The following KIAA1217 variants were observed in gnomAD, a reference collection of about 807,000 sequenced individuals.
The protein encoded by KIAA1217 is KIAA1217, also known as sickle tail protein homolog.
KIAA1217 carries 88 observed loss-of-function variants against 163.9 expected under a neutral mutation model. The observed-to-expected ratio is 0.54, with a 90% CI of 0.45 to 0.64. The LOEUF is 0.64. Ranked by LOEUF, KIAA1217 falls within the 30% of genes least tolerant of loss-of-function variation. The pLI, the probability that KIAA1217 is intolerant of heterozygous loss-of-function variation, is 0.00. For missense variants in KIAA1217, 2,372 were observed against 2,475.0 expected, an observed-to-expected ratio of 0.96 and a Z score of 0.88; for synonymous variants, 903 against 923.1, an observed-to-expected ratio of 0.98 and a Z score of 0.39.
At chr10:23,737,167 G>C (rs1344422894) in intron 1 of KIAA1217, among the ~76,000 whole-genome samples, 1 of 152,122 alleles carries the variant, frequency 6.6e-6, no homozygotes, top group African/African-American at 2.4e-5. Context: ...TGTATGGAAG[G>C]CAAATAGTGT....
intron 1 of KIAA1217, among the ~76,000 whole-genome samples, chr10:23,858,362 T>C (rs1839797903): frequency 6.6e-6 from 1 of 151,674 alleles, no homozygotes. Flanking sequence ...TGATGATACC[T>C]AAAGAACTAT....
chr10:24,506,078 G>A (rs763809237), intron 9 of KIAA1217, among the ~76,000 whole-genome samples: 1 of 152,174 alleles, frequency 6.6e-6, no homozygotes, highest in Non-Finnish European at 1.5e-5. Context: ...CCAAGGTCTA[G>A]TCAGATCTTC....
chr10:23,719,635 A>G (rs1450527713), intron 1 of KIAA1217, among the ~76,000 whole-genome samples: 1 of 148,706 alleles, frequency 6.7e-6, no homozygotes, highest in Non-Finnish European at 1.5e-5. Context: ...TGGACATAAA[A>G]GGCTATATCT....
intron 1 of KIAA1217, among the ~76,000 whole-genome samples, chr10:23,815,854 G>A (rs749798200): frequency 7.9e-5 from 12 of 152,094 alleles, no homozygotes; most frequent in Admixed American, 2.0e-4. Flanking sequence ...TAGTGGAGTC[G>A]ATTCTTTTGG....
chr10:23,875,845 A>G (rs1840666378), intron 1 of KIAA1217, among the ~76,000 whole-genome samples: 1 of 151,682 alleles, frequency 6.6e-6, no homozygotes, highest in Admixed American at 6.6e-5. Flanking sequence ...AAACTATCAC[A>G]AGGACAGCAA....
chr10:24,523,755 C>T (rs2071663818), intron 12 of KIAA1217, among the ~76,000 whole-genome samples: 2 of 152,284 alleles, frequency 1.3e-5, no homozygotes, highest in African/African-American at 2.4e-5. Flanking sequence ...AGATCTGACA[C>T]CAGACACTCT....
At chr10:24,296,853 C>T (rs1359453124) in intron 2 of KIAA1217, among the ~76,000 whole-genome samples, 1 of 152,158 alleles carries the variant, frequency 6.6e-6, no homozygotes, top group African/African-American at 2.4e-5. Flanking sequence ...TTGCTAGCAT[C>T]TAAAAATAAG....
intron 2 of KIAA1217, among the ~76,000 whole-genome samples, chr10:24,182,409 T>C: frequency 7.0e-6 from 1 of 142,844 alleles, no homozygotes; most frequent in South Asian, 2.3e-4. Flanking sequence ...ACCACTGCAC[T>C]CCAACCTGGA....
chr10:24,019,599 A>G lies in KIAA1217; in HGVS notation c.-171+12225A>G, dbSNP rs545736474. ...TAAATGTTTTAGGCTTAGGGGCCAT[A>G]GAGTCTTGGAAATACTTAACTCTGA... is the stretch of plus-strand genomic sequence containing the variant. On this transcript the variant is annotated intron_variant, in intron 2 of 18. Coordinates refer to the KIAA1217 transcript ENST00000376462. 3.2e-4 allele frequency among the ~76,000 whole-genome samples: 48 copies of G among 152,012 alleles called. No homozygotes were observed. The South Asian group carries it at 9.1e-3, about 29-fold the overall frequency.
chr10:24,010,529 T>C (rs1173156041), intron 2 of KIAA1217, among the ~76,000 whole-genome samples: 1 of 151,888 alleles, frequency 6.6e-6, no homozygotes, highest in Non-Finnish European at 1.5e-5. Flanking sequence ...TCCAAAATAC[T>C]GTAGATCTTC....
chr10:24,424,897 G>A (rs1040498327), intron 3 of KIAA1217, among the ~76,000 whole-genome samples: 2 of 152,200 alleles, frequency 1.3e-5, no homozygotes, highest in Admixed American at 6.5e-5. Flanking sequence ...CACCGCGCCC[G>A]GCCTCTTTTT....
chr10:24,012,541 G>A (rs1847281105), intron 2 of KIAA1217, among the ~76,000 whole-genome samples: 2 of 152,194 alleles, frequency 1.3e-5, no homozygotes, highest in African/African-American at 4.8e-5. Context: ...CTGATTATAA[G>A]ATAGTAGTCT....
At chr10:23,846,694 A>T (rs1839047334) in intron 1 of KIAA1217, among the ~76,000 whole-genome samples, 1 of 152,126 alleles carries the variant, frequency 6.6e-6, no homozygotes. Context: ...AGACAATTTG[A>T]CTTCCTCTCT....
intron 1 of KIAA1217, among the ~76,000 whole-genome samples, chr10:23,768,546 T>A: frequency 6.6e-6 from 1 of 152,244 alleles, no homozygotes; most frequent in Non-Finnish European, 1.5e-5. Context: ...AAAAGATACC[T>A]AACTCTTAAT....
At chr10:24,212,104 AAG>A (rs2068211657) in intron 1 of KIAA1217, among the ~76,000 whole-genome samples, 1 of 151,922 alleles carries the variant, frequency 6.6e-6, no homozygotes, top group African/African-American at 2.4e-5. Flanking sequence ...AAAAAAAAAG[AAG>A]AGAGAGGAGG....
chr10:24,150,179 G>A (rs1387195540), intron 2 of KIAA1217, among the ~76,000 whole-genome samples: 2 of 152,000 alleles, frequency 1.3e-5, no homozygotes, highest in African/African-American at 2.4e-5. Context: ...CACCATGCCT[G>A]GATAATTTTG....
At chr10:23,721,705 T>C (rs1269915730) in intron 1 of KIAA1217, among the ~76,000 whole-genome samples, 1 of 152,072 alleles carries the variant, frequency 6.6e-6, no homozygotes, top group Non-Finnish European at 1.5e-5. Context: ...TTTCCCTCAT[T>C]TAGGAATCAT....
At chr10:24,003,328 G>T (rs1334548902) in intron 1 of KIAA1217, among the ~76,000 whole-genome samples, 1 of 152,000 alleles carries the variant, frequency 6.6e-6, no homozygotes, top group Non-Finnish European at 1.5e-5. Flanking sequence ...ATTATTTTTT[G>T]ATTTTTTAAT....
chr10:23,848,717 T>A (rs1284043794), intron 1 of KIAA1217, among the ~76,000 whole-genome samples: 3 of 152,112 alleles, frequency 2.0e-5, no homozygotes, highest in Admixed American at 2.0e-4. Flanking sequence ...CAACTTTTCT[T>A]GCTTTTACCT....
Sources: gnomAD v4.1 joint callset for allele counts (sites outside exome capture counted in the v4.1 genomes callset) on GRCh38, gnomAD v4.1.1 for gene constraint, MANE v1.5 for transcripts, NCBI Gene and HGNC (gene_info 2026-07-23, HGNC 2026-07-21) for gene names.